MSH3: variants seen among roughly 807,000 people sequenced by gnomAD.
MSH3 encodes mutS homolog 3.
A neutral mutation model predicts 123.3 loss-of-function variants in MSH3; 106 were observed. That is an observed-to-expected ratio of 0.86 (90% CI 0.73 to 1.01). MSH3 has a LOEUF of 1.01. MSH3 is among the 50% of genes least tolerant of loss of function. The pLI is 0.00. For missense variants in MSH3, 1,459 were observed against 1,347.6 expected, an observed-to-expected ratio of 1.08 and a Z score of -1.29; for synonymous variants, 515 against 481.4, an observed-to-expected ratio of 1.07 and a Z score of -0.91.
chr5:80,763,125 G>T (rs936017691), intron 13 of MSH3, among the ~76,000 whole-genome samples: 10 of 152,166 alleles, frequency 6.6e-5, no homozygotes, highest in Non-Finnish European at 1.2e-4. Context: ...GGGATTACAG[G>T]CATGAGCCAC....
rs145402745 is a variant in MSH3 at position 80,683,713 on chromosome 5, C to T, written c.1340+4620C>T. The stretch of plus-strand genomic sequence containing the variant: ...CAGAAGCTTTTTAACTTCATGTGAT[C>T]CCATTTGTCCATCTTTGCTTTGGTT... On this transcript the variant is annotated intron_variant, in intron 8 of 23. Transcript: ENST00000265081. Among the ~76,000 whole-genome samples the T allele has an allele frequency of 1.4e-3, 218 of 152,208 alleles. 2 individuals carry two copies. The highest frequency in any genetic ancestry group is 4.9e-3 in the African/African-American group (205 of 41,534).
At chr5:80,696,931 TA>T (rs1375515961) in intron 8 of MSH3, among the ~76,000 whole-genome samples, 1 of 152,190 alleles carries the variant, frequency 6.6e-6, no homozygotes, top group Non-Finnish European at 1.5e-5. Flanking sequence ...TTTTTATAAT[TA>T]AAAAACTGCT....
chr5:80,779,302 T>C lies in MSH3; in HGVS notation c.2435+466T>C, dbSNP rs535030194. Among the ~76,000 whole-genome samples, 6 of 151,826 alleles carry C rather than the reference T, an allele frequency of 4.0e-5. No individual in the cohort carries two copies. In the South Asian group the frequency reaches 1.2e-3, roughly 32 times the overall value. ...ACCACTGCACCCAGCCCGAAAGAAA[T>C]TCTTAAAATCTACTGAAAGTTAAGA... On this transcript the variant is annotated intron_variant, in intron 17 of 23. Coordinates refer to ENST00000265081, the MANE Select transcript of MSH3 (RefSeq NM_002439.5).
intron 13 of MSH3, among the ~76,000 whole-genome samples, chr5:80,765,974 T>C (rs756820062): frequency 6.6e-6 from 1 of 152,204 alleles, no homozygotes; most frequent in Non-Finnish European, 1.5e-5. Flanking sequence ...ATGACTTCAT[T>C]ATCTTTACTT....
At chr5:80,773,375 G>A (rs1744245075) in intron 15 of MSH3, among the ~76,000 whole-genome samples, 1 of 152,188 alleles carries the variant, frequency 6.6e-6, no homozygotes, top group African/African-American at 2.4e-5. Flanking sequence ...TGTAGCCAAA[G>A]GAGGCTTGTT....
chr5:80,869,169 A>C (rs551386425), intron 22 of MSH3, among the ~76,000 whole-genome samples: 1 of 152,252 alleles, frequency 6.6e-6, no homozygotes, highest in South Asian at 2.1e-4. Context: ...AATCTGTTCT[A>C]AAAGCAACTT....
chr5:80,853,756 G>T (rs1463801066), intron 20 of MSH3, among the ~76,000 whole-genome samples: 1 of 152,026 alleles, frequency 6.6e-6, no homozygotes, highest in Non-Finnish European at 1.5e-5. Context: ...ACCTTTAATT[G>T]TACAAGATCT....
rs563481204 is a variant in MSH3, at chr5:80,818,338, A to T, written c.2813+4597A>T. ...TAGGGGTACTGTCAGCAAAATCTAG[A>T]CTGTGGGAAACTATAGGACAAATGA... is the stretch of plus-strand genomic sequence containing the variant. On this transcript the variant is annotated intron_variant, in intron 20 of 23. Transcript: ENST00000265081. 1.5e-4 allele frequency among the ~76,000 whole-genome samples: 22 copies of T among 144,204 alleles called. No homozygotes were observed. The South Asian group carries it at 5.1e-3, about 33-fold the overall frequency. The allele number at this position is 144,204 out of a possible 152,430, so 94.6% of individuals were successfully genotyped here.
intron 8 of MSH3, among the ~76,000 whole-genome samples, chr5:80,710,189 C>T (rs553871142): frequency 4.9e-4 from 75 of 152,280 alleles, no homozygotes; most frequent in Admixed American, 9.8e-4. Context: ...TATTTTATTA[C>T]GGGTTTTATA....
At chr5:80,755,471 T>A (rs1179761868) in intron 12 of MSH3, among the ~76,000 whole-genome samples, 1 of 152,188 alleles carries the variant, frequency 6.6e-6, no homozygotes, top group African/African-American at 2.4e-5. Context: ...TATGCCTTTA[T>A]TAATGAGGAT....
chr5:80,723,097 A>ATAAATAAAT (rs1391694152), intron 8 of MSH3, among the ~76,000 whole-genome samples: 2 of 87,704 alleles, frequency 2.3e-5, no homozygotes, highest in Admixed American at 1.5e-4. Flanking sequence ...CTGTCTAAAA[A>ATAAATAAAT]TAAATAAATA....
intron 21 of MSH3, among the ~76,000 whole-genome samples, chr5:80,863,072 C>T (rs1457894559): frequency 6.6e-6 from 1 of 152,120 alleles, no homozygotes; most frequent in Non-Finnish European, 1.5e-5. Context: ...AGTGGGTACC[C>T]TCTTCAACCA....
intron 1 of MSH3, among the ~76,000 whole-genome samples, chr5:80,655,835 G>T (rs1456989767): frequency 4.6e-5 from 7 of 152,028 alleles, no homozygotes; most frequent in African/African-American, 9.7e-5. Context: ...ACGTTTTCAT[G>T]AATTCACCAA....
At chr5:80,783,338 C>G (rs1744442231) in intron 17 of MSH3, among the ~76,000 whole-genome samples, 1 of 152,106 alleles carries the variant, frequency 6.6e-6, no homozygotes, top group Non-Finnish European at 1.5e-5. Context: ...TCTGCATTGA[C>G]CATTTTTCAG....
intron 10 of MSH3, among the ~76,000 whole-genome samples, chr5:80,729,460 G>GTGTGTGTGTGTATATA (rs1277559108): frequency 5.3e-5 from 5 of 95,032 alleles, no homozygotes; most frequent in East Asian, 5.6e-4. Context: ...GTGTGTGTGT[G>GTGTGTGTGTGTATATA]TATATATATA....
intron 20 of MSH3, among the ~76,000 whole-genome samples, chr5:80,832,709 T>C (rs899826430): frequency 3.9e-5 from 6 of 151,964 alleles, no homozygotes; most frequent in Admixed American, 3.9e-4. Flanking sequence ...TAAGAAATGC[T>C]AAAATGGTAA....
At chr5:80,769,117 T>C in intron 15 of MSH3, 114 bp downstream of exon 15, 4 of 949,178 alleles carry the variant, frequency 4.2e-6, no homozygotes, top group East Asian at 2.6e-5. Flanking sequence ...AAATTTTCTG[T>C]TTTATTCCTT....
rs371590572 is a variant in MSH3 at position 80,682,740 on chromosome 5, T to A, written c.1340+3647T>A. ...TGTGTTACAAACAACCCAATTATAC[T>A]CTTTTAGTTATTTTAAAATGTACAA... is the stretch of plus-strand genomic sequence containing the variant. On this transcript the variant is annotated intron_variant, in intron 8 of 23. Coordinates refer to ENST00000265081, the MANE Select transcript of MSH3 (RefSeq NM_002439.5). Among the ~76,000 whole-genome samples the A allele has an allele frequency of 7.9e-5, 12 of 152,336 alleles. No homozygotes were observed. In the South Asian group the frequency reaches 2.3e-3, roughly 29 times the overall value.
At chr5:80,773,507 C>T (rs1484734759) in intron 15 of MSH3, among the ~76,000 whole-genome samples, 1 of 152,018 alleles carries the variant, frequency 6.6e-6, no homozygotes, top group South Asian at 2.1e-4. Flanking sequence ...TTAGATTAGC[C>T]ACTAATTCTT....
Sources: gnomAD v4.1 joint callset for allele counts (sites outside exome capture counted in the v4.1 genomes callset) on GRCh38, gnomAD v4.1.1 for gene constraint, MANE v1.5 for transcripts, NCBI Gene and HGNC (gene_info 2026-07-23, HGNC 2026-07-21) for gene names.